PPP1R13B: variants seen among roughly 807,000 people sequenced by gnomAD.
PPP1R13B encodes apoptosis-stimulating of p53 protein 1.
A neutral mutation model predicts 119.8 loss-of-function variants in PPP1R13B; 44 were observed. That is an observed-to-expected ratio of 0.37 (90% CI 0.29 to 0.47). PPP1R13B has a LOEUF of 0.47. Ranked by LOEUF, PPP1R13B falls within the 20% of genes least tolerant of loss-of-function variation. The probability of loss-of-function intolerance (pLI) is 0.99; values close to 1 mark genes in which losing one functional copy is unlikely to be tolerated. For synonymous variants in PPP1R13B, 542 were observed against 561.5 expected (o/e 0.97, Z 0.49); for missense variants, 1,227 against 1,413.5 (o/e 0.87, Z 2.12).
chr14:103,786,163 CCAA>C (rs2085456762), intron 2 of PPP1R13B, among the ~76,000 whole-genome samples: 1 of 152,096 alleles, frequency 6.6e-6, no homozygotes, highest in Non-Finnish European at 1.5e-5. Context: ...CCTCAGCCTC[CCAA>C]GTTAGCTGAA....
intron 2 of PPP1R13B, among the ~76,000 whole-genome samples, chr14:103,786,808 C>T (rs191465464): frequency 1.4e-5 from 2 of 138,852 alleles, no homozygotes; most frequent in African/African-American, 2.8e-5. Context: ...TGGTGGTGCA[C>T]GCCTGTGGTC....
At chr14:103,791,215 G>T (rs183988552) in intron 2 of PPP1R13B, among the ~76,000 whole-genome samples, 9 of 151,550 alleles carry the variant, frequency 5.9e-5, no homozygotes, top group African/African-American at 1.7e-4. Flanking sequence ...TTGAACTTCC[G>T]GGCTCAAGGG....
chr14:103,806,899 ATGTC>A, intron 1 of PPP1R13B, among the ~76,000 whole-genome samples: 1 of 152,306 alleles, frequency 6.6e-6, no homozygotes, highest in South Asian at 2.1e-4. Context: ...CTCAGAAAGG[ATGTC>A]TGCAAGAGCA....
chr14:103,823,357 A>C (rs1398307364), intron 1 of PPP1R13B, among the ~76,000 whole-genome samples: 3 of 151,668 alleles, frequency 2.0e-5, no homozygotes, highest in Admixed American at 6.6e-5. Context: ...GAAAAAAAAA[A>C]AACAACAGGG....
intron 5 of PPP1R13B, among the ~76,000 whole-genome samples, chr14:103,755,627 T>A (rs1331042910): frequency 6.6e-6 from 1 of 152,230 alleles, no homozygotes; most frequent in East Asian, 1.9e-4. Flanking sequence ...CATACTACAC[T>A]CTAAGGTAAA....
intron 1 of PPP1R13B, chr14:103,846,833 C>A: frequency 2.1e-6 from 1 of 472,662 alleles, no homozygotes; most frequent in South Asian, 1.5e-5. Context: ...TCCGTGCACT[C>A]GGCACCTTTC....
intron 1 of PPP1R13B, among the ~76,000 whole-genome samples, chr14:103,835,085 C>G (rs982653687): frequency 3.3e-5 from 5 of 152,118 alleles, no homozygotes; most frequent in Non-Finnish European, 7.4e-5. Context: ...CTGGAGAAAA[C>G]TTAAAGTACT....
intron 9 of PPP1R13B, among the ~76,000 whole-genome samples, chr14:103,745,656 C>T (rs1279713158): frequency 1.3e-5 from 2 of 152,224 alleles, no homozygotes; most frequent in East Asian, 3.8e-4. Flanking sequence ...GGACTTTGAT[C>T]AATGAGGACA....
rs117571852 is a variant in PPP1R13B, at chr14:103,767,207, T to C, written c.355-9456A>G. On this transcript the variant is annotated intron_variant, in intron 4 of 16. Transcript: ENST00000202556. ...GTGCACACCTCTAGTACCAGCTACT[T>C]TGGAGGCTGAGGTGAGAGGACTGCT... Among the ~76,000 whole-genome samples, 133 of 152,204 alleles carry C rather than the reference T, an allele frequency of 8.7e-4. 3 individuals carry two copies. In the East Asian group the frequency reaches 0.02, roughly 23 times the overall value.
At chr14:103,845,495 GT>G (rs2087008639) in intron 1 of PPP1R13B, among the ~76,000 whole-genome samples, 1 of 152,044 alleles carries the variant, frequency 6.6e-6, no homozygotes, top group South Asian at 2.1e-4. Context: ...GTATTTTATT[GT>G]TTTGAGAAAT....
At chr14:103,783,142 A>G (rs982417607) in intron 3 of PPP1R13B, among the ~76,000 whole-genome samples, 1 of 151,872 alleles carries the variant, frequency 6.6e-6, no homozygotes, top group Non-Finnish European at 1.5e-5. Context: ...AATTCTTTAC[A>G]TGTAAAGAGA....
intron 8 of PPP1R13B, among the ~76,000 whole-genome samples, chr14:103,748,066 TACACACACACACACAC>T (rs58398068): frequency 0.03 from 4,122 of 138,188 alleles, 182 homozygotes; most frequent in African/African-American, 0.097. Context: ...TTAAATCACA[TACACACACACACACAC>T]ACACACACAC....
At chr14:103,838,981 C>G (rs1272921129) in intron 1 of PPP1R13B, among the ~76,000 whole-genome samples, 1 of 152,138 alleles carries the variant, frequency 6.6e-6, no homozygotes, top group East Asian at 1.9e-4. Context: ...TAAACACAGA[C>G]CACTGTGTTT....
chr14:103,847,226 C>A (rs1315009536), intron 1 of PPP1R13B, 73 bp downstream of exon 1: 11 of 1,092,506 alleles, frequency 1.0e-5, no homozygotes, highest in African/African-American at 1.7e-5. Flanking sequence ...GGGCTGGGAG[C>A]CGCGGGAGGA....
rs555084777 is a variant in PPP1R13B, at chr14:103,754,125, T to C, written c.576A>G (p.Lys192=). The change falls in exon 6 of 17, where the codon AAA becomes AAG. Residue 192 remains lysine, a synonymous_variant. Coordinates refer to ENST00000202556, the MANE Select transcript of PPP1R13B (RefSeq NM_015316.3). Reference sequence around the variant, plus strand: ...CGACTTGTCCTCTCATTGCACGAATTTTCTTCAGCTTGTTCTCCTGGGCTT... The same window carrying C: ...CGACTTGTCCTCTCATTGCACGAATCTTCTTCAGCTTGTTCTCCTGGGCTT... The part of the protein sequence containing the change: ...RVEAQENKLK[K]IRAMRGQVDY... 1 of 1,614,068 alleles carries C rather than the reference T, an allele frequency of 6.2e-7. No homozygotes were observed. The highest frequency in any genetic ancestry group is 8.5e-7 in the Non-Finnish European group (1 of 1,180,008).
chr14:103,848,225 G>T, upstream of PPP1R13B: 6 of 983,732 alleles, frequency 6.1e-6, no homozygotes, highest in Non-Finnish European at 7.2e-6. Context: ...TCGCCCGAGC[G>T]ATCTCCCGCC....
Position 103,815,705 on chromosome 14 carries a change from A to C in PPP1R13B, c.10-18187T>G, listed in dbSNP as rs570055329. On this transcript the variant is annotated intron_variant, in intron 1 of 16. Coordinates refer to ENST00000202556, the MANE Select transcript of PPP1R13B (RefSeq NM_015316.3). ...GGAAGGTGGAGGTTGCACTGAGCCA[A>C]GATCGCACCACTGCACTCCAGCCTG... 5.3e-5 allele frequency among the ~76,000 whole-genome samples: 8 copies of C among 152,204 alleles called. No homozygotes were observed. In the South Asian group the frequency reaches 1.5e-3, roughly 28 times the overall value.
At chr14:103,775,200 G>A (rs2085158493) in intron 4 of PPP1R13B, among the ~76,000 whole-genome samples, 1 of 151,890 alleles carries the variant, frequency 6.6e-6, no homozygotes, top group Non-Finnish European at 1.5e-5. Context: ...CCTACTCAAT[G>A]TATCTATTTA....
intron 1 of PPP1R13B, among the ~76,000 whole-genome samples, chr14:103,839,526 C>G (rs1446918779): frequency 6.6e-6 from 1 of 151,510 alleles, no homozygotes; most frequent in East Asian, 2.0e-4. Context: ...ACTCGAGAGG[C>G]TGAGTCAGAA....
Sources: gnomAD v4.1 joint callset for allele counts (sites outside exome capture counted in the v4.1 genomes callset) on GRCh38, gnomAD v4.1.1 for gene constraint, MANE v1.5 for transcripts, NCBI Gene and HGNC (gene_info 2026-07-23, HGNC 2026-07-21) for gene names.